AK9: variants seen among roughly 807,000 people sequenced by gnomAD.
AK9 encodes adenylate kinase 9.
A neutral mutation model predicts 239.6 loss-of-function variants in AK9; 191 were observed. The observed-to-expected ratio is 0.80, with a 90% CI of 0.71 to 0.90. The LOEUF is 0.90. Among genes scored for constraint, AK9 ranks in the 40% least tolerant of loss-of-function variants. AK9 has a pLI of 0.00. For missense variants in AK9, 1,995 were observed against 2,214.7 expected, an observed-to-expected ratio of 0.90 and a Z score of 1.99; for synonymous variants, 689 against 721.0, an observed-to-expected ratio of 0.96 and a Z score of 0.71.
At chr6:109,633,561 T>C (rs1195142906) in intron 10 of AK9, among the ~76,000 whole-genome samples, 2 of 152,180 alleles carry the variant, frequency 1.3e-5, no homozygotes, top group Non-Finnish European at 2.9e-5. Context: ...AAAGAACTAG[T>C]TTACATTTAT....
chr6:109,531,590 A>T (rs192314937), intron 28 of AK9, among the ~76,000 whole-genome samples: 2,232 of 152,224 alleles, frequency 0.015, 57 homozygotes, highest in African/African-American at 0.051. Context: ...TAAGTGCTCA[A>T]CAGCCACTGC....
rs190668994 is a variant in AK9 at position 109,665,290 on chromosome 6, G to A, written c.332-2627C>T. Among the ~76,000 whole-genome samples, 423 of 152,266 alleles carry A rather than the reference G, an allele frequency of 2.8e-3. 1 individual carries two copies. The highest frequency in any genetic ancestry group is 9.7e-3 in the African/African-American group (404 of 41,546). On this transcript the variant is annotated intron_variant, in intron 5 of 40. Transcript: ENST00000424296. ...CCCTCTTGTCTTGCTATGATCCTTA[G>A]TGTCCAACTTGACTTACTTACATGC...
In AK9 at chr6:109,527,036, G is replaced by A. The variant is rs149540174; in HGVS notation, c.3633+1975C>T. ...CTGACACTGTGCTCACTTGCTCCCC[G>A]GGCTTCCTGTCCTGGCCCTCCCTTG... On this transcript the variant is annotated intron_variant, in intron 29 of 40. Transcript: ENST00000424296. Among the ~76,000 whole-genome samples the A allele has an allele frequency of 2.8e-3, 426 of 152,142 alleles. 1 individual carries two copies. The highest frequency in any genetic ancestry group is 9.8e-3 in the African/African-American group (406 of 41,498).
intron 12 of AK9, among the ~76,000 whole-genome samples, chr6:109,631,316 T>C (rs917086790): frequency 6.6e-6 from 1 of 151,652 alleles, no homozygotes; most frequent in African/African-American, 2.4e-5. Flanking sequence ...TGTATATAGA[T>C]AATATTAGGA....
At chr6:109,602,505 C>A (rs28823411) in intron 17 of AK9, among the ~76,000 whole-genome samples, 32,276 of 152,056 alleles carry the variant, frequency 0.21, 4,097 homozygotes, top group Middle Eastern at 0.31. Context: ...CTGCCCTTAA[C>A]ATTTTTTCCT....
chr6:109,678,221 GATA>G (rs780272440), intron 1 of AK9, among the ~76,000 whole-genome samples: 3 of 152,166 alleles, frequency 2.0e-5, no homozygotes, highest in African/African-American at 4.8e-5. Flanking sequence ...CATGGAATAT[GATA>G]ATAATAAAAA....
chr6:109,669,855 G>A (rs900082657), intron 5 of AK9, among the ~76,000 whole-genome samples: 4 of 152,128 alleles, frequency 2.6e-5, no homozygotes, highest in African/African-American at 9.7e-5. Context: ...GGCAGAAGGC[G>A]CTTTAGGTTC....
intron 12 of AK9, among the ~76,000 whole-genome samples, chr6:109,622,550 C>A (rs1795005558): frequency 7.0e-6 from 1 of 143,598 alleles, no homozygotes. Flanking sequence ...TATTAAATTG[C>A]ATATTATATT....
intron 29 of AK9, chr6:109,527,730 C>A (rs182806236): frequency 2.0e-5 from 3 of 152,276 alleles, no homozygotes; most frequent in Non-Finnish European, 2.9e-5. Context: ...AACATGAAGT[C>A]TCAGGAGAGC....
At chr6:109,543,728 G>A (rs1214623913) in intron 26 of AK9, among the ~76,000 whole-genome samples, 2 of 152,028 alleles carry the variant, frequency 1.3e-5, no homozygotes, top group East Asian at 1.9e-4. Flanking sequence ...GATTACAGGC[G>A]TGAGCGACCG....
intron 3 of AK9, among the ~76,000 whole-genome samples, chr6:109,673,354 T>C (rs1771217280): frequency 6.6e-6 from 1 of 152,216 alleles, no homozygotes; most frequent in Non-Finnish European, 1.5e-5. Context: ...AAAGATTCAC[T>C]GCCAATTTGA....
chr6:109,500,960 G>A (rs886314261), intron 35 of AK9, among the ~76,000 whole-genome samples: 1 of 151,988 alleles, frequency 6.6e-6, no homozygotes, highest in Non-Finnish European at 1.5e-5. Flanking sequence ...GGAGGCTGCA[G>A]TAAGCCACTG....
intron 21 of AK9, among the ~76,000 whole-genome samples, chr6:109,567,642 C>G (rs891520976): frequency 7.5e-5 from 11 of 147,076 alleles, no homozygotes; most frequent in Non-Finnish European, 1.2e-4. Flanking sequence ...GACAGAAAAC[C>G]AAACACCGCA....
At chr6:109,525,215 T>C (rs1780336489) in intron 29 of AK9, among the ~76,000 whole-genome samples, 1 of 152,280 alleles carries the variant, frequency 6.6e-6, no homozygotes, top group East Asian at 1.9e-4. Context: ...GCTCTATGTA[T>C]CTGTTTTTGT....
chr6:109,516,833 C>T lies in AK9; in HGVS notation c.3634-191G>A, dbSNP rs922073652. On this transcript the variant is annotated intron_variant, in intron 29 of 40. Coordinates refer to ENST00000424296, the MANE Select transcript of AK9 (RefSeq NM_001145128.3). ...GGTGTTATAGAACACTTTTTTGTCA[C>T]GTTGCCAGAATTATTTTTCTGGTTC... 7.9e-5 allele frequency among the ~76,000 whole-genome samples: 12 copies of T among 152,030 alleles called. No individual in the cohort carries two copies. In the East Asian group the frequency reaches 1.5e-3, roughly 20 times the overall value.
chr6:109,634,610 G>T (rs1261931642), intron 10 of AK9, among the ~76,000 whole-genome samples: 1 of 152,202 alleles, frequency 6.6e-6, no homozygotes, highest in East Asian at 1.9e-4. Flanking sequence ...AGAGGCATGT[G>T]CACTGCAGGG....
chr6:109,542,310 G>T, intron 26 of AK9, 139 bp from the exon 27 acceptor site: 1 of 763,268 alleles, frequency 1.3e-6, no homozygotes, highest in Non-Finnish European at 2.0e-6. Context: ...AGGCAGGGAA[G>T]GGTGTGTGGT....
At chr6:109,687,311 T>A (rs1368479940) in intron 1 of AK9, among the ~76,000 whole-genome samples, 1 of 152,178 alleles carries the variant, frequency 6.6e-6, no homozygotes, top group Non-Finnish European at 1.5e-5. Flanking sequence ...GAGGGTGGTG[T>A]AGCAAACACA....
intron 24 of AK9, among the ~76,000 whole-genome samples, chr6:109,561,400 C>T (rs529167229): frequency 1.3e-5 from 2 of 152,224 alleles, no homozygotes; most frequent in Admixed American, 6.5e-5. Flanking sequence ...ACTGAAGCCT[C>T]GACCTCCTGG....
Sources: gnomAD v4.1 joint callset for allele counts (sites outside exome capture counted in the v4.1 genomes callset) on GRCh38, gnomAD v4.1.1 for gene constraint, MANE v1.5 for transcripts, NCBI Gene and HGNC (gene_info 2026-07-23, HGNC 2026-07-21) for gene names.